The following ANKRD30A variants were observed in gnomAD, a reference collection of about 807,000 sequenced individuals.
ANKRD30A encodes ankyrin repeat domain-containing protein 30A.
ANKRD30A carries 170 observed loss-of-function variants against 166.3 expected under a neutral mutation model. The observed-to-expected ratio is 1.02, with a 90% CI of 0.90 to 1.16. The LOEUF (loss-of-function observed/expected upper bound fraction) is 1.16. Among genes scored for constraint, ANKRD30A ranks in the 50% most tolerant of loss-of-function variants. The probability of loss-of-function intolerance (pLI) is 0.00; values close to 1 mark genes in which losing one functional copy is unlikely to be tolerated. For synonymous variants in ANKRD30A, 564 were observed against 508.9 expected, an observed-to-expected ratio of 1.11 and a Z score of -1.46; for missense variants, 1,630 against 1,518.0, an observed-to-expected ratio of 1.07 and a Z score of -1.23.
rs1554823849 is a variant in ANKRD30A, at chr10:37,196,093, A to ATTTATT, written c.2615-1185_2615-1184insATTTTT. Reference sequence around the variant, plus strand: ...AGTTAGAGGTTTTTTTATATTTTCTATTTTTTTTTTTTTTTTTTTGTAGTA... The same window carrying ATTTATT: ...AGTTAGAGGTTTTTTTATATTTTCTATTTATTTTTTTTTTTTTTTTTTTTTGTAGTA... On this transcript the variant is annotated intron_variant, in intron 27 of 35. Transcript: ENST00000361713. 1.8e-3 allele frequency among the ~76,000 whole-genome samples: 228 copies of ATTTATT among 129,436 alleles called. 3 individuals are homozygous for ATTTATT. Among genetic ancestry groups the ATTTATT allele is most frequent in the Middle Eastern group, 4.3e-3 (1 of 230 alleles). The allele number at this position is 129,436 out of a possible 152,430, so 84.9% of individuals were successfully genotyped here.
chr10:37,197,755 A>T (rs1303639838), intron 29 of ANKRD30A, among the ~76,000 whole-genome samples: 1 of 152,114 alleles, frequency 6.6e-6, no homozygotes, highest in African/African-American at 2.4e-5. Flanking sequence ...TTTCTTAAAG[A>T]TTCAAGAAGG....
At chr10:37,233,683 A>G (rs899572713), downstream of ANKRD30A, among the ~76,000 whole-genome samples, 3 of 152,194 alleles carry the variant, frequency 2.0e-5, no homozygotes, top group Non-Finnish European at 2.9e-5. Flanking sequence ...ACATGTTTTC[A>G]TACCTTCTTT....
chr10:37,219,576 A>T lies in ANKRD30A; in HGVS notation c.3864A>T (p.Gln1288His), dbSNP rs577363810. 47 of 1,610,350 alleles carry T rather than the reference A, an allele frequency of 2.9e-5. No homozygotes were observed. The Middle Eastern group carries it at 9.9e-4, about 34-fold the overall frequency. The change falls in exon 34 of 36, where the codon CAA becomes CAT. Residue 1288 changes from glutamine to histidine, a missense_variant. Physicochemically the swap from Gln to His is conservative, Grantham distance 24 (BLOSUM62 0). Coordinates refer to ENST00000361713, the MANE Select transcript of ANKRD30A (RefSeq NM_052997.3). ...TLVSEHAQRDQRETQCQMKEA... is the reference protein window; with the variant it reads ...TLVSEHAQRDHRETQCQMKEA... ...TTTCAGAACATGCACAAAGAGACCA[A>T]CGTGAAACACAGTGTCAAATGAAGG...
At chr10:37,150,473 G>A (rs1414225229) in intron 11 of ANKRD30A, among the ~76,000 whole-genome samples, 1 of 151,986 alleles carries the variant, frequency 6.6e-6, no homozygotes, top group South Asian at 2.1e-4. Context: ...AAGCATTTGG[G>A]TTTAGAGTCT....
chr10:37,202,083 C>T (rs1841661506), intron 31 of ANKRD30A, among the ~76,000 whole-genome samples: 1 of 151,842 alleles, frequency 6.6e-6, no homozygotes, highest in African/African-American at 2.4e-5. Context: ...TGAGGAGAGG[C>T]CTTTTGTGGG....
intron 17 of ANKRD30A, among the ~76,000 whole-genome samples, chr10:37,163,342 C>T (rs543563973): frequency 1.7e-5 from 1 of 58,574 alleles, no homozygotes; most frequent in South Asian, 6.8e-4. Flanking sequence ...TGTGTGTCTG[C>T]GTGTGTGCCT....
At chr10:37,230,394 GTGTT>G (rs1436423006) in intron 34 of ANKRD30A, among the ~76,000 whole-genome samples, 1 of 152,006 alleles carries the variant, frequency 6.6e-6, no homozygotes, top group Non-Finnish European at 1.5e-5. Context: ...GACCTTCAAA[GTGTT>G]TGTCCAGGAG....
At position 37,132,341 on chromosome 10, in the gene ANKRD30A, T is replaced by A; in HGVS notation, c.612T>A (p.Tyr204Ter). The A allele has an allele frequency of 2.5e-6, 4 of 1,572,846 alleles. No homozygotes were observed. Among genetic ancestry groups the A allele is most frequent in the Non-Finnish European group, 3.5e-6 (4 of 1,154,298 alleles). ...CAAATGCGAATGCAGTTAATAAGTA[T>A]AAATGGTATAGTAGTTCTTTTTTTA... ...KNANANAVNK[Y>*]KCTALMLAVC... The change falls in exon 4 of 36, where the codon TAT (tyrosine) becomes TAA (stop). Residue 204 changes from tyrosine (Y) to a stop codon, truncating the protein, a stop_gained. Coordinates refer to ENST00000361713, the MANE Select transcript of ANKRD30A (RefSeq NM_052997.3). LOFTEE classifies it high-confidence loss of function.
chr10:37,201,823 G>C (rs569279177), intron 31 of ANKRD30A, among the ~76,000 whole-genome samples: 33 of 152,142 alleles, frequency 2.2e-4, no homozygotes, highest in South Asian at 1.0e-3. Context: ...GAAGCCATTA[G>C]GGATGGAAGC....
chr10:37,204,882 A>G (rs1439812043), intron 31 of ANKRD30A, among the ~76,000 whole-genome samples: 3 of 152,224 alleles, frequency 2.0e-5, no homozygotes, highest in Non-Finnish European at 4.4e-5. Context: ...AGAAATGCAA[A>G]TCAAAACCAT....
At chr10:37,191,733 C>T (rs1460549861) in intron 25 of ANKRD30A, among the ~76,000 whole-genome samples, 1 of 151,914 alleles carries the variant, frequency 6.6e-6, no homozygotes, top group Non-Finnish European at 1.5e-5. Context: ...TGGTGGCTCA[C>T]GCCTGTAATC....
At chr10:37,214,152 A>G (rs1461068078) in intron 31 of ANKRD30A, among the ~76,000 whole-genome samples, 2 of 151,692 alleles carry the variant, frequency 1.3e-5, no homozygotes, top group Non-Finnish European at 1.5e-5. Flanking sequence ...CTTTGTCACT[A>G]TAAAATGACT....
intron 15 of ANKRD30A, among the ~76,000 whole-genome samples, chr10:37,162,060 T>G (rs1432268014): frequency 6.6e-6 from 1 of 152,194 alleles, no homozygotes; most frequent in Non-Finnish European, 1.5e-5. Context: ...CACATCTTCT[T>G]GCATGAGTGG....
chr10:37,194,625 G>A (rs183531283), intron 27 of ANKRD30A, among the ~76,000 whole-genome samples: 2,113 of 152,206 alleles, frequency 0.014, 25 homozygotes, highest in South Asian at 0.023. Context: ...AATTACAGGC[G>A]TGAGGCACCG....
chr10:37,130,502 T>A (rs1226493380), intron 3 of ANKRD30A, 124 bp downstream of exon 3: 1 of 702,628 alleles, frequency 1.4e-6, no homozygotes, highest in African/African-American at 1.9e-5. Flanking sequence ...TTGAAAGAAC[T>A]TAATTGTCTA....
rs1445557694 is a variant in ANKRD30A at position 37,232,532 on chromosome 10, C to T, written c.*245C>T. On this transcript the variant is annotated 3_prime_UTR_variant, in exon 36 of 36. Transcript: ENST00000361713. Reference sequence around the variant, plus strand: ...AAAGCTGCACAGGATTCCCATCTACCCTGATGATGCAGCAGACATCATTCA... The same window carrying T: ...AAAGCTGCACAGGATTCCCATCTACTCTGATGATGCAGCAGACATCATTCA... 1 of 149,378 alleles carries T rather than the reference C, an allele frequency of 6.7e-6. No homozygotes were observed. The highest frequency in any genetic ancestry group is 1.5e-5 in the Non-Finnish European group (1 of 67,320). The allele number at this position is 149,378 out of a possible 1,614,324, so 9.3% of individuals were successfully genotyped here. A position where few individuals can be genotyped will look rare whatever the true frequency, so the allele number is the denominator to read the frequency against.
intron 27 of ANKRD30A, among the ~76,000 whole-genome samples, chr10:37,194,825 A>T (rs1840940685): frequency 6.6e-6 from 1 of 152,120 alleles, no homozygotes; most frequent in Admixed American, 6.5e-5. Flanking sequence ...CTAGCCACTA[A>T]AAGTCGAAAT....
At chr10:37,218,886 T>C in intron 33 of ANKRD30A, 94 bp from the exon 34 acceptor site, 2 of 840,004 alleles carry the variant, frequency 2.4e-6, no homozygotes, top group Non-Finnish European at 3.6e-6. Context: ...AACCCTTTCA[T>C]TGTATAAATG....
chr10:37,193,319 G>C (rs1012586782), intron 27 of ANKRD30A, 61 bp downstream of exon 27: 16 of 1,531,008 alleles, frequency 1.0e-5, no homozygotes, highest in Admixed American at 1.8e-5. Context: ...TTGAAATGCT[G>C]TGAGACTTTT....
Sources: allele counts gnomAD v4.1 joint callset (sites outside exome capture counted in the v4.1 genomes callset), GRCh38; gene constraint gnomAD v4.1.1; transcripts MANE v1.5; gene names NCBI Gene and HGNC (gene_info 2026-07-23, HGNC 2026-07-21).